The following PCDH15 variants were observed in gnomAD, a reference collection of about 807,000 sequenced individuals.
PCDH15 encodes the protein protocadherin related 15, also known as protocadherin-15.
A neutral mutation model predicts 178.5 loss-of-function variants in PCDH15; 129 were observed. That is an observed-to-expected ratio of 0.72 (90% confidence interval 0.63 to 0.84). The LOEUF (loss-of-function observed/expected upper bound fraction) is 0.84, where lower values mean the gene tolerates loss of function less well. Among genes scored for constraint, PCDH15 ranks in the 40% least tolerant of loss-of-function variants. The pLI, the probability that PCDH15 is intolerant of heterozygous loss-of-function variation, is 0.00. For synonymous variants in PCDH15, 800 were observed against 732.0 expected (o/e 1.09, Z -1.50); for missense variants, 2,230 against 2,099.9 (o/e 1.06, Z -1.21).
chr10:55,573,946 A>T (rs993955099), intron 2 of PCDH15, among the ~76,000 whole-genome samples: 3 of 152,054 alleles, frequency 2.0e-5, no homozygotes, highest in African/African-American at 7.2e-5. Flanking sequence ...CCATTAAATG[A>T]AAAACATGCT....
At chr10:54,001,084 G>A (rs1228221395) in intron 20 of PCDH15, among the ~76,000 whole-genome samples, 1 of 152,096 alleles carries the variant, frequency 6.6e-6, no homozygotes, top group Non-Finnish European at 1.5e-5. Flanking sequence ...GAGTATATCT[G>A]GTTAAAATAT....
intron 15 of PCDH15, among the ~76,000 whole-genome samples, chr10:54,111,684 G>C (rs1318092448): frequency 3.3e-5 from 5 of 151,862 alleles, no homozygotes; most frequent in Non-Finnish European, 2.9e-5. Context: ...AGTGTTTCTT[G>C]GCTTTAAAAG....
chr10:55,621,500 G>C (rs371524302), intron 2 of PCDH15, among the ~76,000 whole-genome samples: 53 of 152,280 alleles, frequency 3.5e-4, no homozygotes, highest in African/African-American at 1.1e-3. Context: ...AAAGGTAATG[G>C]TGGGTGGCAT....
intron 2 of PCDH15, among the ~76,000 whole-genome samples, chr10:54,558,185 G>A (rs568748641): frequency 6.6e-6 from 1 of 152,164 alleles, no homozygotes; most frequent in Non-Finnish European, 1.5e-5. Context: ...AGCTTAGGTT[G>A]AAAAATGACT....
intron 2 of PCDH15, among the ~76,000 whole-genome samples, chr10:55,533,101 G>T (rs1433353733): frequency 1.3e-5 from 2 of 152,092 alleles, no homozygotes; most frequent in Non-Finnish European, 2.9e-5. Flanking sequence ...AGCCATTTAT[G>T]ACAGACGCAC....
intron 3 of PCDH15, among the ~76,000 whole-genome samples, chr10:54,518,832 A>G (rs1390861736): frequency 6.6e-6 from 1 of 152,192 alleles, no homozygotes; most frequent in African/African-American, 2.4e-5. Context: ...GGCAAACCAA[A>G]TCCAGCAGCA....
At chr10:54,540,067 C>T (rs1052204702) in intron 2 of PCDH15, among the ~76,000 whole-genome samples, 13 of 152,200 alleles carry the variant, frequency 8.5e-5, no homozygotes, top group Admixed American at 4.6e-4. Flanking sequence ...CTCTGATTAA[C>T]GATCTAACAC....
intron 2 of PCDH15, among the ~76,000 whole-genome samples, chr10:55,113,679 T>A (rs1205001918): frequency 6.6e-6 from 1 of 152,190 alleles, no homozygotes; most frequent in Non-Finnish European, 1.5e-5. Flanking sequence ...CAGGGGCTAA[T>A]CTTGAAATTC....
intron 2 of PCDH15, among the ~76,000 whole-genome samples, chr10:55,426,772 G>A (rs1277391775): frequency 6.6e-6 from 1 of 152,164 alleles, no homozygotes; most frequent in African/African-American, 2.4e-5. Flanking sequence ...AATGGAAAGG[G>A]ACCTGAAAAG....
At chr10:53,903,118 C>A in intron 26 of PCDH15, 125 bp downstream of exon 26, 1 of 1,061,816 alleles carries the variant, frequency 9.4e-7, no homozygotes, top group South Asian at 1.5e-5. Flanking sequence ...ACTAATATAG[C>A]TCCAAGTTTC....
intron 2 of PCDH15, among the ~76,000 whole-genome samples, chr10:55,596,329 C>A (rs1404922952): frequency 6.6e-6 from 1 of 151,948 alleles, no homozygotes; most frequent in Non-Finnish European, 1.5e-5. Context: ...AAAGGATGAA[C>A]CAATATCCTG....
Position 54,112,802 on chromosome 10 carries a change from A to G in PCDH15, c.1917+20073T>C, listed in dbSNP as rs116835754. 6.4e-3 allele frequency among the ~76,000 whole-genome samples: 981 copies of G among 152,302 alleles called. 14 individuals are homozygous for G. The highest frequency in any genetic ancestry group is 0.023 in the African/African-American group (936 of 41,566). ...ATAATAATATATTTAAAGCTAATCT[A>G]AACTCACAATAATCTTGGGGATATG... On this transcript the variant is annotated intron_variant, in intron 15 of 37. Coordinates refer to ENST00000644397, the MANE Select transcript of PCDH15 (RefSeq NM_001384140.1).
chr10:53,836,804 A>AGAT (rs1223713569), intron 29 of PCDH15, among the ~76,000 whole-genome samples: 2 of 152,228 alleles, frequency 1.3e-5, no homozygotes, highest in African/African-American at 4.8e-5. Context: ...AGCCAGATAG[A>AGAT]GATAACCCAG....
chr10:54,793,054 T>C (rs1433642142), intron 1 of PCDH15, among the ~76,000 whole-genome samples: 1 of 151,770 alleles, frequency 6.6e-6, no homozygotes, highest in Admixed American at 6.6e-5. Flanking sequence ...ATGAGGATGA[T>C]CTTGTCAATT....
chr10:55,331,888 T>C (rs1844209228), intron 2 of PCDH15, among the ~76,000 whole-genome samples: 1 of 152,056 alleles, frequency 6.6e-6, no homozygotes, highest in South Asian at 2.1e-4. Flanking sequence ...TAACTGAATA[T>C]GACAGCGTTC....
intron 3 of PCDH15, among the ~76,000 whole-genome samples, chr10:54,876,165 G>A (rs1356548908): frequency 2.0e-5 from 3 of 152,048 alleles, no homozygotes; most frequent in Non-Finnish European, 4.4e-5. Flanking sequence ...ACATAACAAT[G>A]AAGCCTGGAT....
intron 2 of PCDH15, among the ~76,000 whole-genome samples, chr10:55,541,058 C>A (rs890678557): frequency 6.6e-6 from 1 of 151,988 alleles, no homozygotes; most frequent in Non-Finnish European, 1.5e-5. Context: ...CAGGACCTTG[C>A]AGAGAATGGG....
intron 2 of PCDH15, among the ~76,000 whole-genome samples, chr10:54,539,140 T>G (rs1459245497): frequency 6.6e-6 from 1 of 152,200 alleles, no homozygotes. Flanking sequence ...TTTCAGCTTC[T>G]TGGTTAGACG....
intron 8 of PCDH15, among the ~76,000 whole-genome samples, chr10:54,266,878 C>T (rs1025730522): frequency 1.3e-5 from 2 of 151,918 alleles, no homozygotes; most frequent in Non-Finnish European, 2.9e-5. Context: ...GCCAATCCTA[C>T]TGAAACTATT....
Sources: gnomAD v4.1 joint callset for allele counts (sites outside exome capture counted in the v4.1 genomes callset) on GRCh38, gnomAD v4.1.1 for gene constraint, MANE v1.5 for transcripts, NCBI Gene and HGNC (gene_info 2026-07-23, HGNC 2026-07-21) for gene names.